Variants in XRCC6 observed in about 807,000 individuals in gnomAD.
XRCC6 encodes X-ray repair cross complementing 6, also known as DNA repair protein Ku70.
Under a neutral mutation model 65.7 loss-of-function variants are expected in XRCC6, and 5 were observed. The observed-to-expected ratio is 0.08, with a 90% CI of 0.04 to 0.16. The LOEUF is 0.16. XRCC6 is among the 10% of genes least tolerant of loss of function. XRCC6 has a pLI of 1.00. For synonymous variants in XRCC6, 270 were observed against 270.6 expected (o/e 1.00, Z 0.02); for missense variants, 447 against 738.1 (o/e 0.61, Z 4.57).
At chr22:41,650,944 G>A in intron 8 of XRCC6, 53 bp downstream of exon 8, 1 of 1,599,540 alleles carries the variant, frequency 6.3e-7, no homozygotes, top group Non-Finnish European at 8.6e-7. Flanking sequence ...GCAGTTTACG[G>A]AGCAGCGCTT....
At chr22:41,630,400 A>G (rs968942985) in intron 3 of XRCC6, among the ~76,000 whole-genome samples, 6 of 151,354 alleles carry the variant, frequency 4.0e-5, no homozygotes, top group African/African-American at 9.7e-5. Context: ...ATGTGCCACT[A>G]TGCCTGGCAC....
intron 9 of XRCC6, among the ~76,000 whole-genome samples, chr22:41,655,781 C>G (rs569299652): frequency 6.6e-6 from 1 of 151,138 alleles, no homozygotes; most frequent in Non-Finnish European, 1.5e-5. Context: ...CCAGGCTGGT[C>G]TCGAACTCCT....
At chr22:41,621,843 G>A (rs2067610207) in intron 1 of XRCC6, 147 bp from the exon 2 acceptor site, 2 of 690,502 alleles carry the variant, frequency 2.9e-6, no homozygotes, top group Non-Finnish European at 4.9e-6. Context: ...CATGCAGTCC[G>A]ACTGCCGAGC....
At chr22:41,631,963 C>T (rs987028854) in intron 3 of XRCC6, among the ~76,000 whole-genome samples, 42 of 152,114 alleles carry the variant, frequency 2.8e-4, no homozygotes, top group Non-Finnish European at 5.3e-4. Context: ...CCGTCTCCAC[C>T]AAAAAAATAC....
intron 2 of XRCC6, among the ~76,000 whole-genome samples, chr22:41,625,258 C>G (rs75018889): frequency 3.3e-5 from 5 of 152,170 alleles, no homozygotes; most frequent in African/African-American, 9.7e-5. Context: ...GAGCCAAGAT[C>G]GCGTCATCGC....
intron 3 of XRCC6, among the ~76,000 whole-genome samples, chr22:41,631,473 T>C (rs1442409455): frequency 6.8e-6 from 1 of 146,440 alleles, no homozygotes; most frequent in South Asian, 2.2e-4. Context: ...GCAGAGACGC[T>C]CCTCACCTCC....
chr22:41,625,987 C>T (rs189515702), intron 2 of XRCC6, among the ~76,000 whole-genome samples: 17 of 152,146 alleles, frequency 1.1e-4, no homozygotes, highest in Admixed American at 1.0e-3. Flanking sequence ...TATAGGCATG[C>T]GCCACCACAC....
chr22:41,637,139 A>G (rs894437978), intron 5 of XRCC6, among the ~76,000 whole-genome samples: 1 of 140,246 alleles, frequency 7.1e-6, no homozygotes, highest in Non-Finnish European at 1.5e-5. Flanking sequence ...GCTAGAGTGC[A>G]GTGGCACAAT....
At position 41,637,790 on chromosome 22, in the gene XRCC6, A is replaced by G; in HGVS notation, c.772A>G (p.Arg258Gly). 1 of 1,613,536 alleles carries G rather than the reference A, an allele frequency of 6.2e-7. No individual in the cohort carries two copies. Among genetic ancestry groups the G allele is most frequent in the Non-Finnish European group, 8.5e-7 (1 of 1,179,764 alleles). The change falls in exon 6 of 13, where the codon AGG becomes GGG. Residue 258 changes from arginine to glycine, a missense_variant and splice_region_variant. Around this residue, in one of 4 missense-constraint regions of XRCC6, gnomAD observed 14 missense variants for 23.8 expected, o/e 0.59. Transcript: ENST00000360079. ...AKETRKRALS[R>G]LKLKLNKDIV... ...GGAGACCAGGAAGCGAGCACTCAGC[A>G]GGTGTGCACTCAGCCCGGGTCAGCT...
At chr22:41,639,333 T>TTTTTC (rs2067848116) in intron 6 of XRCC6, among the ~76,000 whole-genome samples, 1 of 89,956 alleles carries the variant, frequency 1.1e-5, no homozygotes, top group Non-Finnish European at 2.1e-5. Context: ...CTTTTTCTTT[T>TTTTTC]TTTTTTTTTT....
At chr22:41,634,761 T>A (rs2067791999) in intron 3 of XRCC6, among the ~76,000 whole-genome samples, 1 of 151,882 alleles carries the variant, frequency 6.6e-6, no homozygotes, top group Non-Finnish European at 1.5e-5. Context: ...GTCAGAATGG[T>A]CTCGAACTCC....
At chr22:41,645,692 TTTC>T (rs1047907690) in intron 6 of XRCC6, among the ~76,000 whole-genome samples, 4 of 150,928 alleles carry the variant, frequency 2.7e-5, no homozygotes, top group Non-Finnish European at 5.9e-5. Flanking sequence ...GGCTTTATTC[TTTC>T]TTCTTTTTTT....
intron 7 of XRCC6, 24 bp from the exon 8 acceptor site, chr22:41,650,698 GA>G: frequency 6.2e-7 from 1 of 1,608,202 alleles, no homozygotes. Context: ...CTTCCCATTT[GA>G]TCCTTGTCGT....
intron 6 of XRCC6, among the ~76,000 whole-genome samples, chr22:41,643,374 A>C (rs1001428522): frequency 6.6e-6 from 1 of 151,962 alleles, no homozygotes; most frequent in African/African-American, 2.4e-5. Context: ...ACACCACTGC[A>C]CTCCAGCTTA....
At chr22:41,644,573 C>T (rs958905332) in intron 6 of XRCC6, among the ~76,000 whole-genome samples, 2 of 152,094 alleles carry the variant, frequency 1.3e-5, no homozygotes, top group African/African-American at 4.8e-5. Flanking sequence ...GCAACCTCTG[C>T]CTCCTGGGTT....
intron 6 of XRCC6, among the ~76,000 whole-genome samples, chr22:41,639,000 A>T (rs1301974696): frequency 6.6e-6 from 1 of 152,148 alleles, no homozygotes; most frequent in Admixed American, 6.6e-5. Context: ...CTTGTGCGAC[A>T]AACTTACGAC....
chr22:41,631,192 T>C (rs1329730459), intron 3 of XRCC6, among the ~76,000 whole-genome samples: 10 of 148,508 alleles, frequency 6.7e-5, no homozygotes, highest in Non-Finnish European at 1.2e-4. Context: ...GCAGAGGGGC[T>C]CCTCACTTCC....
intron 4 of XRCC6, 30 bp from the exon 5 acceptor site, chr22:41,636,486 C>T (rs760165590): frequency 2.1e-5 from 34 of 1,607,064 alleles, no homozygotes; most frequent in Non-Finnish European, 2.6e-5. Flanking sequence ...TCTGATTTTT[C>T]TTTCCATTTG....
intron 2 of XRCC6, among the ~76,000 whole-genome samples, chr22:41,627,236 A>C (rs1470251154): frequency 2.6e-5 from 4 of 152,180 alleles, no homozygotes; most frequent in Non-Finnish European, 4.4e-5. Context: ...TAATGTTTAG[A>C]AATGTAGGTT....
Sources: gnomAD v4.1 joint callset for allele counts (sites outside exome capture counted in the v4.1 genomes callset) on GRCh38, gnomAD v4.1.1 for gene constraint, gnomAD v4.1.1 regional missense constraint, MANE v1.5 for transcripts, NCBI Gene and HGNC (gene_info 2026-07-23, HGNC 2026-07-21) for gene names.